The following PTTG1IP2 variants were observed in gnomAD, a reference collection of about 807,000 sequenced individuals.
The protein encoded by PTTG1IP2 is PTTG1IP family member 2.
At chr7:90,496,735 C>A (rs1231141941) in intron 6 of PTTG1IP2, among the ~76,000 whole-genome samples, 3 of 151,506 alleles carry the variant, frequency 2.0e-5, no homozygotes, top group Non-Finnish European at 4.4e-5. Context: ...CTTCTATTAC[C>A]TTTGGGCATA....
intron 6 of PTTG1IP2, among the ~76,000 whole-genome samples, chr7:90,498,385 A>G (rs574310319): frequency 5.4e-4 from 83 of 152,318 alleles, no homozygotes; most frequent in Admixed American, 3.3e-3. Context: ...TGAATGGATT[A>G]AAAAATAAGA....
intron 1 of PTTG1IP2, among the ~76,000 whole-genome samples, chr7:90,478,096 CAAA>C (rs370035849): frequency 1.5e-5 from 1 of 68,058 alleles, no homozygotes; most frequent in African/African-American, 5.2e-5. Context: ...GACTCCGTCT[CAAA>C]AAAAAAAAAA....
intron 5 of PTTG1IP2, among the ~76,000 whole-genome samples, chr7:90,492,522 C>A (rs913376427): frequency 4.6e-5 from 7 of 152,130 alleles, no homozygotes; most frequent in Admixed American, 1.3e-4. Context: ...ATACATATTG[C>A]GCCATTGCAT....
intron 6 of PTTG1IP2, among the ~76,000 whole-genome samples, chr7:90,512,790 G>T (rs1395985276): frequency 6.6e-6 from 1 of 152,202 alleles, no homozygotes; most frequent in Non-Finnish European, 1.5e-5. Context: ...TCTTTTGGAC[G>T]ATATTATTCT....
At chr7:90,489,407 TA>T (rs949191833) in intron 4 of PTTG1IP2, among the ~76,000 whole-genome samples, 5 of 152,018 alleles carry the variant, frequency 3.3e-5, no homozygotes, top group African/African-American at 1.2e-4. Context: ...TTTTTTTCAT[TA>T]TTTTTAGTTA....
chr7:90,470,931 T>A (rs1259997093), intron 1 of PTTG1IP2, among the ~76,000 whole-genome samples: 4 of 142,578 alleles, frequency 2.8e-5, no homozygotes, highest in Admixed American at 2.2e-4. Flanking sequence ...ATTTTTCACG[T>A]CTTAAGACTT....
chr7:90,504,292 G>A (rs753195683), intron 6 of PTTG1IP2, among the ~76,000 whole-genome samples: 12 of 151,630 alleles, frequency 7.9e-5, no homozygotes, highest in Non-Finnish European at 1.5e-4. Flanking sequence ...CTCCAGCCCG[G>A]GCGACAGAGT....
intron 6 of PTTG1IP2, among the ~76,000 whole-genome samples, chr7:90,495,872 A>G (rs1346592422): frequency 1.3e-5 from 2 of 152,044 alleles, no homozygotes; most frequent in Admixed American, 1.3e-4. Context: ...TGCAAGGGAA[A>G]TGTGCACATT....
intron 6 of PTTG1IP2, among the ~76,000 whole-genome samples, chr7:90,509,390 G>A (rs1346653477): frequency 6.6e-6 from 1 of 152,104 alleles, no homozygotes; most frequent in African/African-American, 2.4e-5. Flanking sequence ...TCATTTAGAA[G>A]TAGGGAGTGA....
chr7:90,485,043 T>C (rs796074026), intron 2 of PTTG1IP2, among the ~76,000 whole-genome samples: 40 of 152,224 alleles, frequency 2.6e-4, no homozygotes, highest in African/African-American at 9.6e-4. Flanking sequence ...ACTGCCTGGG[T>C]CAAAAGACTA....
intron 2 of PTTG1IP2, among the ~76,000 whole-genome samples, chr7:90,481,258 T>C (rs894988798): frequency 2.0e-5 from 3 of 152,306 alleles, no homozygotes; most frequent in Non-Finnish European, 2.9e-5. Flanking sequence ...TGAGATGTTT[T>C]GATACAGGCA....
intron 1 of PTTG1IP2, among the ~76,000 whole-genome samples, chr7:90,474,357 G>A (rs376162754): frequency 6.6e-6 from 1 of 152,198 alleles, no homozygotes; most frequent in Non-Finnish European, 1.5e-5. Context: ...TATTATGACA[G>A]TGCTGGAAAA....
At chr7:90,482,081 T>C (rs999605646) in intron 2 of PTTG1IP2, among the ~76,000 whole-genome samples, 1 of 152,136 alleles carries the variant, frequency 6.6e-6, no homozygotes, top group African/African-American at 2.4e-5. Flanking sequence ...ATTAGGGTAT[T>C]ATCCTTTGGA....
At chr7:90,508,159 TG>T (rs1337396084) in intron 6 of PTTG1IP2, among the ~76,000 whole-genome samples, 1 of 148,796 alleles carries the variant, frequency 6.7e-6, no homozygotes, top group East Asian at 2.0e-4. Flanking sequence ...CCCAGTGACT[TG>T]GGGGGCTGAG....
At chr7:90,503,942 T>A (rs1193195138) in intron 6 of PTTG1IP2, among the ~76,000 whole-genome samples, 1 of 152,106 alleles carries the variant, frequency 6.6e-6, no homozygotes, top group East Asian at 1.9e-4. Flanking sequence ...AAGCACAATA[T>A]TTGTGAGGTA....
intron 2 of PTTG1IP2, among the ~76,000 whole-genome samples, chr7:90,481,559 G>A (rs17867675): frequency 0.17 from 25,184 of 151,858 alleles, 2,234 homozygotes; most frequent in East Asian, 0.23. Flanking sequence ...CCAATTTTAT[G>A]GAAAAAATTG....
rs1229406944 is a variant in PTTG1IP2 at position 90,513,087 on chromosome 7, G to C, written c.*51-191G>C. On this transcript the variant is annotated intron_variant, in intron 6 of 6. Coordinates refer to ENST00000509356, the MANE Select transcript of PTTG1IP2 (RefSeq NM_001365443.2). ...TCATTTCCAATTTACTCTGGTGTAT[G>C]TGGCTAATTTAAGTTGATAATCATT... 2.0e-5 allele frequency among the ~76,000 whole-genome samples: 3 copies of C among 152,216 alleles called. No homozygotes were observed. In the East Asian group the frequency reaches 5.8e-4, roughly 29 times the overall value.
intron 2 of PTTG1IP2, among the ~76,000 whole-genome samples, chr7:90,481,802 T>G (rs1797818220): frequency 6.6e-6 from 1 of 152,194 alleles, no homozygotes; most frequent in Non-Finnish European, 1.5e-5. Context: ...CCATGTTTTT[T>G]TATTCATCTT....
chr7:90,497,194 G>A (rs1798001714), intron 6 of PTTG1IP2, among the ~76,000 whole-genome samples: 1 of 152,038 alleles, frequency 6.6e-6, no homozygotes, highest in African/African-American at 2.4e-5. Flanking sequence ...CACTTTGGGA[G>A]GTCAAGGCAG....
Sources: gnomAD v4.1 joint callset for allele counts (sites outside exome capture counted in the v4.1 genomes callset) on GRCh38, gnomAD v4.1.1 for gene constraint, MANE v1.5 for transcripts, NCBI Gene and HGNC (gene_info 2026-07-23, HGNC 2026-07-21) for gene names.